Variants in MDM1 observed in about 807,000 individuals in gnomAD.
MDM1 encodes the protein stabilizer of axonemal microtubules 6.
MDM1 carries 61 observed loss-of-function variants against 89.1 expected under a neutral mutation model. The ratio of observed to expected loss-of-function variants is 0.68; its 90% CI spans 0.56 to 0.85. MDM1 has a LOEUF of 0.85. Ranked by LOEUF, MDM1 falls within the 40% of genes least tolerant of loss-of-function variation. The pLI is 0.00. For synonymous variants in MDM1, 290 were observed against 294.1 expected (o/e 0.99, Z 0.14); for missense variants, 820 against 846.5 (o/e 0.97, Z 0.39).
At chr12:68,312,823 C>T (rs1330606563) in intron 12 of MDM1, among the ~76,000 whole-genome samples, 1 of 152,040 alleles carries the variant, frequency 6.6e-6, no homozygotes, top group Non-Finnish European at 1.5e-5. Context: ...AGCTGTTCCT[C>T]AAGGGGGCAG....
intron 3 of MDM1, chr12:68,326,314 T>C (rs1341880754): frequency 7.3e-7 from 1 of 1,364,062 alleles, no homozygotes; most frequent in Admixed American, 3.3e-5. Context: ...AGAAGTCAGC[T>C]CAGCACCCTG....
intron 7 of MDM1, among the ~76,000 whole-genome samples, chr12:68,319,580 T>TA (rs1874952917): frequency 1.3e-5 from 2 of 152,168 alleles, no homozygotes; most frequent in South Asian, 4.1e-4. Context: ...CCAAGAGATA[T>TA]AAGTAAAACA....
chr12:68,323,173 T>G lies in MDM1; in HGVS notation c.701A>C (p.Tyr234Ser). 1 of 1,610,830 alleles carries G rather than the reference T, an allele frequency of 6.2e-7. No individual in the cohort carries two copies. Among genetic ancestry groups the G allele is most frequent in the Non-Finnish European group, 8.5e-7 (1 of 1,178,998 alleles). The change falls in exon 5 of 15, where the codon TAC becomes TCC. Residue 234 changes from tyrosine to serine, a missense_variant. By Grantham distance (144) the Tyr-to-Ser change is moderately radical (BLOSUM62 -2). Transcript: ENST00000682720. Reference sequence around the variant, plus strand: ...AGATAAACCCTTGAAATTTCTTTTGTATTCAGTTTCATGGATGACTGAGTT... The same window carrying G: ...AGATAAACCCTTGAAATTTCTTTTGGATTCAGTTTCATGGATGACTGAGTT... ...KGNSVIHETE[Y>S]KRNFKGLSPV...
intron 4 of MDM1, chr12:68,325,163 A>G: frequency 9.5e-7 from 1 of 1,053,068 alleles, no homozygotes; most frequent in African/African-American, 1.7e-5. Context: ...GTAGCATGCA[A>G]AAACTTACCA....
Position 68,316,278 on chromosome 12 carries a change from T to C in MDM1, c.1036-25A>G, listed in dbSNP as rs12422713. On this transcript the variant is annotated intron_variant, in intron 8 of 14. Transcript: ENST00000682720. ...CCTATTCAGGAGAGTTCAGACATCA[T>C]ATACTATTGTAAATGCTTCTTTACA... The C allele has an allele frequency of 7.0e-3, 11,186 of 1,589,470 alleles. 463 individuals carry two copies. The East Asian group carries it at 0.11, about 15-fold the overall frequency.
chr12:68,332,286 T>C lies in MDM1; in HGVS notation c.-41A>G, dbSNP rs1876966663. On this transcript the variant is annotated 5_prime_UTR_variant, in exon 1 of 15. Transcript: ENST00000682720. ...AGCCCCCGCTACTCCGACAGTTAAC[T>C]GGAGAAAAAGCTCCGAGGGGGCGGG... 2 of 1,570,872 alleles carry C rather than the reference T, an allele frequency of 1.3e-6. No homozygotes were observed. The highest frequency in any genetic ancestry group is 1.7e-6 in the Non-Finnish European group (2 of 1,159,230).
intron 9 of MDM1, among the ~76,000 whole-genome samples, 157 bp from the exon 10 acceptor site, chr12:68,315,422 C>T (rs1271369305): frequency 1.3e-5 from 2 of 152,180 alleles, no homozygotes; most frequent in East Asian, 1.9e-4. Flanking sequence ...AAATCTAATT[C>T]GTTTTATAGC....
At chr12:68,314,909 A>AC (rs1874245601) in intron 10 of MDM1, 39 bp downstream of exon 10, 3 of 1,507,558 alleles carry the variant, frequency 2.0e-6, no homozygotes, top group Admixed American at 1.8e-5. Context: ...CAACCATGTA[A>AC]ATAACGCTTC....
intron 7 of MDM1, among the ~76,000 whole-genome samples, chr12:68,317,986 C>T (rs1017074812): frequency 2.0e-5 from 3 of 152,144 alleles, no homozygotes; most frequent in Non-Finnish European, 4.4e-5. Flanking sequence ...ATTGCACATG[C>T]CCTCCTCCTC....
In MDM1 at chr12:68,316,269, CAG is replaced by C. The variant is rs1874489118; in HGVS notation, c.1036-18_1036-17del. ...GTTCTTTAACCTATTCAGGAGAGTT[CAG>C]ACATCATATACTATTGTAAATGCTT... On this transcript the variant is annotated splice_polypyrimidine_tract_variant and intron_variant, in intron 8 of 14. Transcript: ENST00000682720. 1 of 1,604,604 alleles carries C rather than the reference CAG, an allele frequency of 6.2e-7. No individual in the cohort carries two copies. Among genetic ancestry groups the C allele is most frequent in the African/African-American group, 1.3e-5 (1 of 74,366 alleles).
intron 4 of MDM1, among the ~76,000 whole-genome samples, chr12:68,323,560 C>T (rs1412330897): frequency 6.6e-6 from 1 of 152,052 alleles, no homozygotes; most frequent in Non-Finnish European, 1.5e-5. Flanking sequence ...TCCTCCCTGA[C>T]ATGATTTTTT....
At chr12:68,313,893 G>A (rs1287743903) in intron 10 of MDM1, 140 bp from the exon 11 acceptor site, 11 of 660,446 alleles carry the variant, frequency 1.7e-5, no homozygotes, top group Non-Finnish European at 2.5e-5. Context: ...CGTAATCCCA[G>A]CACTTTGGGA....
chr12:68,307,368 C>A (rs1045285614), intron 12 of MDM1, among the ~76,000 whole-genome samples: 2 of 152,196 alleles, frequency 1.3e-5, no homozygotes, highest in African/African-American at 2.4e-5. Context: ...CACAGTGGCT[C>A]AAGCCTGTAA....
intron 5 of MDM1, 77 bp downstream of exon 5, chr12:68,322,996 G>A (rs1312834402): frequency 1.4e-6 from 2 of 1,399,148 alleles, no homozygotes; most frequent in Non-Finnish European, 2.0e-6. Flanking sequence ...ACTCCCAGGT[G>A]GTAGTAAGTA....
chr12:68,295,141 A>G lies in MDM1; in HGVS notation c.*113T>C. 1 of 631,766 alleles carries G rather than the reference A, an allele frequency of 1.6e-6. No homozygotes were observed. The highest frequency in any genetic ancestry group is 2.8e-6 in the Non-Finnish European group (1 of 356,254). The allele number at this position is 631,766 out of a possible 1,614,324, so 39.1% of individuals were successfully genotyped here. A position where few individuals can be genotyped will look rare whatever the true frequency, so the allele number is the denominator to read the frequency against. Reference sequence around the variant, plus strand: ...AGTAAACTGTTCTATTGGAAATTAAATATTTCAAAGTAGAAAACGTTAGGA... The same window carrying G: ...AGTAAACTGTTCTATTGGAAATTAAGTATTTCAAAGTAGAAAACGTTAGGA... On this transcript the variant is annotated 3_prime_UTR_variant, in exon 15 of 15. Transcript: ENST00000682720.
In MDM1 at chr12:68,294,752, A is replaced by G. The variant is rs563801828; in HGVS notation, c.*502T>C. The G allele has an allele frequency of 2.6e-5, 4 of 152,370 alleles. No homozygotes were observed. Among genetic ancestry groups the G allele is most frequent in the South Asian group, 2.1e-4 (1 of 4,832 alleles). The allele number at this position is 152,370 out of a possible 1,614,324, so 9.4% of individuals were successfully genotyped here. ...TGTTACATAAATAAGAAAAATATAT[A>G]CAGCTGGTGTTTTCAAAGTACAATT... On this transcript the variant is annotated 3_prime_UTR_variant, in exon 15 of 15. Transcript: ENST00000682720.
rs139463520 is a variant in MDM1 at position 68,325,559 on chromosome 12, C to T, written c.515G>A (p.Arg172His). ...AACAACAGTCAATCCAGCTTTCTTA[C>T]GCAGAAGTCTATCCAACTGTTCAAA... ...NVDNGLDRLL[R>H]KKAGLTVVPS... is the part of the protein sequence containing the mutation. The change falls in exon 4 of 15, where the codon CGT becomes CAT. Residue 172 changes from arginine to histidine, a missense_variant. Arg to His is a conservative substitution (Grantham distance 29). Transcript: ENST00000682720. 96 of 1,576,936 alleles carry T rather than the reference C, an allele frequency of 6.1e-5. No individual in the cohort carries two copies. Among genetic ancestry groups the T allele is most frequent in the African/African-American group, 1.4e-4 (10 of 73,644 alleles).
chr12:68,325,255 A>G (rs1875797604), intron 4 of MDM1, 186 bp downstream of exon 4: 1 of 1,224,372 alleles, frequency 8.2e-7, no homozygotes, highest in Admixed American at 4.3e-5. Flanking sequence ...AGCCTAGGAC[A>G]GTATAATATT....
intron 12 of MDM1, among the ~76,000 whole-genome samples, chr12:68,308,949 C>T (rs1489988457): frequency 6.6e-6 from 1 of 152,218 alleles, no homozygotes; most frequent in African/African-American, 2.4e-5. Context: ...GTTTCATCCA[C>T]TTCTGTCTAT....
Sources: gnomAD v4.1 joint callset for allele counts (sites outside exome capture counted in the v4.1 genomes callset) on GRCh38, gnomAD v4.1.1 for gene constraint, MANE v1.5 for transcripts, NCBI Gene and HGNC (gene_info 2026-07-23, HGNC 2026-07-21) for gene names.